Variants in MEGF6 observed in about 807,000 individuals in gnomAD.
MEGF6 encodes multiple EGF like domains 6, also known as multiple epidermal growth factor-like domains protein 6.
Under a neutral mutation model 207.1 loss-of-function variants are expected in MEGF6, and 184 were observed. The ratio of observed to expected loss-of-function variants is 0.89; its 90% CI spans 0.79 to 1.00. MEGF6 has a LOEUF of 1.00. Among genes scored for constraint, MEGF6 ranks in the 50% least tolerant of loss-of-function variants. The pLI is 0.00. For synonymous variants in MEGF6, 1,038 were observed against 910.0 expected, an observed-to-expected ratio of 1.14 and a Z score of -2.53; for missense variants, 2,282 against 2,202.9, an observed-to-expected ratio of 1.04 and a Z score of -0.72.
In MEGF6 at chr1:3,611,138, AT is replaced by A; in HGVS notation, c.130del (p.Met44CysfsTer10). 2.0e-6 allele frequency: 3 copies of A among 1,512,700 alleles called. No homozygotes were observed. The highest frequency in any genetic ancestry group is 1.8e-6 in the Non-Finnish European group (2 of 1,139,264). 93.7% of individuals were successfully genotyped at this position (1,512,700 alleles called of 1,614,324 possible). A position where few individuals can be genotyped will look rare whatever the true frequency, so the allele number is the denominator to read the frequency against. ...PRPLLPLQPG[M>X]PHVCAEQELT... is the part of the protein sequence containing the mutation. ...AGCCCTCCCAGCTCCTGCTACTCAC[AT>A]GCCGGGCTGCAGCGGGAGCAGGGGC... is the stretch of plus-strand genomic sequence containing the variant. On this transcript the variant is annotated frameshift_variant and splice_region_variant, in exon 1 of 37. Coordinates refer to ENST00000356575, the MANE Select transcript of MEGF6 (RefSeq NM_001409.4). LOFTEE classifies it high-confidence loss of function.
intron 17 of MEGF6, among the ~76,000 whole-genome samples, chr1:3,504,588 G>A (rs769200584): frequency 4.5e-4 from 68 of 152,000 alleles, no homozygotes; most frequent in Non-Finnish European, 1.3e-4. Flanking sequence ...CTGGAATCGC[G>A]TCGGGCAGTT....
intron 4 of MEGF6, among the ~76,000 whole-genome samples, chr1:3,576,301 G>A (rs550871594): frequency 1.5e-4 from 23 of 152,328 alleles, no homozygotes; most frequent in Admixed American, 3.9e-4. Context: ...CTGCAGACCC[G>A]AGACTTGCCA....
At chr1:3,604,108 A>C (rs2821016) in intron 1 of MEGF6, among the ~76,000 whole-genome samples, 136,958 of 152,296 alleles carry the variant, frequency 0.9, 62,421 homozygotes, top group East Asian at 0.98. Context: ...CCACCCACGA[A>C]GGGGCAGACG....
the MEGF6 span, among the ~76,000 whole-genome samples, chr1:3,621,623 C>T: frequency 1.3e-5 from 2 of 152,160 alleles, no homozygotes; most frequent in African/African-American, 2.4e-5. Context: ...GCCTCAGCAC[C>T]GGGGTGGCTT....
At chr1:3,618,510 C>T in the MEGF6 span, among the ~76,000 whole-genome samples, 10 of 152,128 alleles carry the variant, frequency 6.6e-5, no homozygotes, top group East Asian at 9.6e-4. The surrounding 1 kb of genome is among the most constrained non-coding windows in gnomAD (Gnocchi z 4.7). Flanking sequence ...TTACCATCAA[C>T]GCGACTCAGC....
intron 4 of MEGF6, among the ~76,000 whole-genome samples, chr1:3,531,822 AGGGGGGCCGCGGGGC>A (rs1477442479): frequency 9.4e-5 from 11 of 117,628 alleles, no homozygotes; most frequent in South Asian, 2.6e-4. Flanking sequence ...GGGGCGGGGG[AGGGGGGCCGCGGGGC>A]GGGGGAGGGG....
At chr1:3,505,374 T>C in intron 16 of MEGF6, 32 bp from the exon 17 acceptor site, 3 of 1,603,848 alleles carry the variant, frequency 1.9e-6, no homozygotes, top group Non-Finnish European at 2.6e-6. Context: ...TGGGTGGGGT[T>C]AACCGACCCT....
intron 4 of MEGF6, among the ~76,000 whole-genome samples, chr1:3,567,805 C>A (rs1007925712): frequency 6.6e-6 from 1 of 152,210 alleles, no homozygotes; most frequent in Non-Finnish European, 1.5e-5. Context: ...CTGGTGCAGG[C>A]AGGACAGGCC....
rs185289098 is a variant in MEGF6 at position 3,545,951 on chromosome 1, C to G, written c.482-21705G>C. Among the ~76,000 whole-genome samples, 919 of 152,366 alleles carry G rather than the reference C, an allele frequency of 6.0e-3. 7 individuals carry two copies. Among genetic ancestry groups the G allele is most frequent in the African/African-American group, 0.021 (884 of 41,588 alleles). On this transcript the variant is annotated intron_variant, in intron 4 of 36. Transcript: ENST00000356575. Reference sequence around the variant, plus strand: ...GTCCAGCAGGCTGGCCCCTGCCCCCCTCCAAACGGCTCGCAGCTGGACAGC... The same window carrying G: ...GTCCAGCAGGCTGGCCCCTGCCCCCGTCCAAACGGCTCGCAGCTGGACAGC...
intron 3 of MEGF6, among the ~76,000 whole-genome samples, chr1:3,585,054 G>GTGGACGC (rs1266257810): frequency 6.6e-6 from 1 of 151,596 alleles, no homozygotes; most frequent in South Asian, 2.1e-4. Flanking sequence ...GTGTGGGAGT[G>GTGGACGC]AGTGACACGT....
chr1:3,553,950 TCCTCC>T (rs1642962074), intron 4 of MEGF6, among the ~76,000 whole-genome samples: 1 of 152,094 alleles, frequency 6.6e-6, no homozygotes, highest in Non-Finnish European at 1.5e-5. Flanking sequence ...TGCCTGGTCT[TCCTCC>T]CCAGGAATGT....
chr1:3,623,671 C>T, the MEGF6 span: 1 of 152,308 alleles, frequency 6.6e-6, no homozygotes, highest in Non-Finnish European at 1.5e-5. Flanking sequence ...CTGTTGTAGT[C>T]TTTCCTCTCT....
chr1:3,490,356 A>G lies in MEGF6; in HGVS notation c.*172T>C. On this transcript the variant is annotated 3_prime_UTR_variant, in exon 37 of 37. Coordinates refer to ENST00000356575, the MANE Select transcript of MEGF6 (RefSeq NM_001409.4). ...GCGAGGCTTCCCTCCTCAAGGCCAC[A>G]CCAGCCTCCAAGAGCGACAGGTTGC... is the stretch of plus-strand genomic sequence containing the variant. The G allele has an allele frequency of 2.8e-6, 2 of 709,426 alleles. No homozygotes were observed. The highest frequency in any genetic ancestry group is 5.9e-5 in the East Asian group (2 of 34,026). The allele number at this position is 709,426 out of a possible 1,614,324, so 43.9% of individuals were successfully genotyped here. A position where few individuals can be genotyped will look rare whatever the true frequency, so the allele number is the denominator to read the frequency against.
rs978089830 is a variant in MEGF6 at position 3,515,537 on chromosome 1, CAGGG to C, written c.605-14_605-11del. 6.2e-6 allele frequency: 10 copies of C among 1,610,240 alleles called. No individual in the cohort carries two copies. The highest frequency in any genetic ancestry group is 1.7e-4 in the Middle Eastern group (1 of 6,044). On this transcript the variant is annotated splice_polypyrimidine_tract_variant and intron_variant, in intron 5 of 36. Transcript: ENST00000356575. The stretch of plus-strand genomic sequence containing the variant: ...GCGCAGGAGTTAATGGCTGGGGACA[CAGGG>C]AGGACCCCAAGTCAGCCCAAGAGGA...
intron 4 of MEGF6, among the ~76,000 whole-genome samples, chr1:3,577,643 T>G (rs962199023): frequency 1.3e-5 from 2 of 152,196 alleles, no homozygotes; most frequent in Admixed American, 6.5e-5. Context: ...GCTGCTGCTG[T>G]GGATGCTGAG....
chr1:3,612,624 C>T (rs182827140), upstream of MEGF6, among the ~76,000 whole-genome samples: 2 of 152,308 alleles, frequency 1.3e-5, no homozygotes, highest in Admixed American at 6.5e-5. Flanking sequence ...GGTGCGCTGA[C>T]CATCAGCTCA....
chr1:3,531,487 A>G (rs1040141866), intron 4 of MEGF6: 2 of 1,067,246 alleles, frequency 1.9e-6, no homozygotes, highest in African/African-American at 1.7e-5. Context: ...CCAAGTCCGC[A>G]GACAACCGAG....
chr1:3,501,011 G>A lies in MEGF6; in HGVS notation c.2530C>T (p.His844Tyr), dbSNP rs767059969. 1.2e-6 allele frequency: 2 copies of A among 1,612,428 alleles called. No homozygotes were observed. Among genetic ancestry groups the A allele is most frequent in the East Asian group, 2.2e-5 (1 of 44,890 alleles). Residue 844 changes from histidine to tyrosine, a missense_variant, in exon 20 of 37, where the codon CAC becomes TAC. Coordinates refer to ENST00000356575, the MANE Select transcript of MEGF6 (RefSeq NM_001409.4). Reference protein sequence around the residue: ...NDGHCHPATGHCSCAPGWTGF... With the variant: ...NDGHCHPATGYCSCAPGWTGF... Reference sequence around the variant, plus strand: ...GTCCACCCGGGGGCACAGCTGCAGTGTCCGGTGGCTGGGTGGCAGTGCCCA... The same window carrying A: ...GTCCACCCGGGGGCACAGCTGCAGTATCCGGTGGCTGGGTGGCAGTGCCCA...
At chr1:3,499,103 G>C in intron 24 of MEGF6, 35 bp downstream of exon 24, 1 of 1,594,348 alleles carries the variant, frequency 6.3e-7, no homozygotes, top group Non-Finnish European at 8.5e-7. Flanking sequence ...GCTCAGGCCT[G>C]GACCCCGGTC....
Sources: allele counts gnomAD v4.1 joint callset (sites outside exome capture counted in the v4.1 genomes callset), GRCh38; gene constraint gnomAD v4.1.1; non-coding constraint Gnocchi (gnomAD v3.1); transcripts MANE v1.5; gene names NCBI Gene and HGNC (gene_info 2026-07-23, HGNC 2026-07-21).